Variants in USP53 observed in about 807,000 individuals in gnomAD.
The protein encoded by USP53 is ubiquitin specific peptidase 53.
Under a neutral mutation model 94.9 loss-of-function variants are expected in USP53, and 71 were observed. The observed-to-expected ratio is 0.75, with a 90% CI of 0.62 to 0.91. The LOEUF (loss-of-function observed/expected upper bound fraction) is 0.91. USP53 is among the 40% of genes least tolerant of loss of function. The pLI is 0.00. For missense variants in USP53, 1,173 were observed against 1,281.0 expected, an observed-to-expected ratio of 0.92 and a Z score of 1.29; for synonymous variants, 375 against 422.7, an observed-to-expected ratio of 0.89 and a Z score of 1.39.
intron 7 of USP53, among the ~76,000 whole-genome samples, chr4:119,251,613 T>C (rs986760107): frequency 3.6e-5 from 5 of 138,728 alleles, no homozygotes; most frequent in South Asian, 2.2e-4. Context: ...TATACAATCA[T>C]GTCATCTGCA....
At chr4:119,264,274 C>T (rs1163566708) in intron 12 of USP53, among the ~76,000 whole-genome samples, 1 of 152,068 alleles carries the variant, frequency 6.6e-6, no homozygotes, top group Non-Finnish European at 1.5e-5. Context: ...TGAGATGGGA[C>T]TATCAGGGGA....
chr4:119,240,007 A>T, intron 5 of USP53, 104 bp downstream of exon 5: 1 of 1,152,512 alleles, frequency 8.7e-7, no homozygotes, highest in South Asian at 3.9e-5. Flanking sequence ...ACTATAGACT[A>T]GAATGACTTT....
intron 3 of USP53, among the ~76,000 whole-genome samples, chr4:119,226,583 A>G (rs1194560503): frequency 6.6e-6 from 1 of 152,214 alleles, no homozygotes; most frequent in Non-Finnish European, 1.5e-5. Context: ...CACCTAAATT[A>G]GCAAAACATT....
At chr4:119,248,940 G>C (rs952168915) in intron 7 of USP53, 58 bp downstream of exon 7, 16 of 1,589,098 alleles carry the variant, frequency 1.0e-5, no homozygotes, top group South Asian at 9.2e-5. Flanking sequence ...TCCTTAGATG[G>C]TACAAGTGTT....
At chr4:119,227,987 A>G (rs558255088) in intron 3 of USP53, among the ~76,000 whole-genome samples, 1 of 152,384 alleles carries the variant, frequency 6.6e-6, no homozygotes, top group Admixed American at 6.5e-5. Context: ...TGAAACTAGG[A>G]CAGAAAGTGT....
rs1258554019 is a variant in USP53 at position 119,293,293 on chromosome 4, A to G, written c.*82A>G. Reference sequence around the variant, plus strand: ...GAACAAAGATATAAACCTAGCATACATTGTAATAGATAACTGGTAAAACTG... The same window carrying G: ...GAACAAAGATATAAACCTAGCATACGTTGTAATAGATAACTGGTAAAACTG... On this transcript the variant is annotated 3_prime_UTR_variant, in exon 19 of 19. Transcript: ENST00000692078. 2.8e-6 allele frequency: 4 copies of G among 1,443,690 alleles called. No homozygotes were observed. The highest frequency in any genetic ancestry group is 1.4e-5 in the South Asian group (1 of 70,070). 89.4% of individuals were successfully genotyped at this position (1,443,690 alleles called of 1,614,324 possible). A position where few individuals can be genotyped will look rare whatever the true frequency, so the allele number is the denominator to read the frequency against.
Position 119,213,641 on chromosome 4 carries a change from G to GATATATATATATATATATAT in USP53, c.-941-428_-941-409dup, listed in dbSNP as rs141285286. On this transcript the variant is annotated intron_variant, in intron 1 of 18. Coordinates refer to ENST00000692078, the MANE Select transcript of USP53 (RefSeq NM_001371395.1). ...CCGAAAGTTTCCTTATCTGGAAATA[G>GATATATATATATATATATAT]ATATATATATATATATATATGTGTG... Among the ~76,000 whole-genome samples the GATATATATATATATATATAT allele has an allele frequency of 1.4e-3, 151 of 108,062 alleles. 1 individual carries two copies. Among genetic ancestry groups the GATATATATATATATATATAT allele is most frequent in the South Asian group, 2.3e-3 (7 of 3,080 alleles). 70.9% of individuals were successfully genotyped at this position (108,062 alleles called of 152,430 possible). A position where few individuals can be genotyped will look rare whatever the true frequency, so the allele number is the denominator to read the frequency against.
intron 4 of USP53, among the ~76,000 whole-genome samples, chr4:119,236,389 C>G (rs376531833): frequency 1.6e-3 from 240 of 152,278 alleles, no homozygotes; most frequent in African/African-American, 5.7e-3. Flanking sequence ...GTGATGGTTG[C>G]TGAAGGTTGA....
intron 16 of USP53, chr4:119,273,383 G>C (rs1361664003): frequency 3.1e-6 from 1 of 321,298 alleles, no homozygotes; most frequent in Non-Finnish European, 5.8e-6. Context: ...GCCTAGGGTA[G>C]TAGAAAGATC....
intron 17 of USP53, among the ~76,000 whole-genome samples, chr4:119,282,956 T>G (rs1578568275): frequency 2.0e-5 from 3 of 152,072 alleles, no homozygotes; most frequent in Admixed American, 2.0e-4. Flanking sequence ...TTTTGTCAAT[T>G]TTTAATATTA....
At chr4:119,241,076 T>C (rs1578451666) in intron 5 of USP53, among the ~76,000 whole-genome samples, 1 of 152,188 alleles carries the variant, frequency 6.6e-6, no homozygotes, top group Admixed American at 6.5e-5. Context: ...CTTTTTCCTA[T>C]TCTTTTTACC....
At chr4:119,227,298 C>CACACACACACACACAA (rs1561197308) in intron 3 of USP53, among the ~76,000 whole-genome samples, 1 of 142,224 alleles carries the variant, frequency 7.0e-6, no homozygotes, top group South Asian at 2.2e-4. Context: ...CACACACACA[C>CACACACACACACACAA]AAACTTGAAA....
chr4:119,267,246 A>G lies in USP53; in HGVS notation c.973-74A>G, dbSNP rs1751243692. On this transcript the variant is annotated intron_variant, in intron 12 of 18. Coordinates refer to ENST00000692078, the MANE Select transcript of USP53 (RefSeq NM_001371395.1). ...ATTTTTTAAAAATATAAAGTAACTC[A>G]GAGTCTGTCTTTTCATGTAACACAT... The G allele has an allele frequency of 7.0e-6, 10 of 1,436,096 alleles. No individual in the cohort carries two copies. The South Asian group carries it at 9.8e-5, about 14-fold the overall frequency. The allele number at this position is 1,436,096 out of a possible 1,614,324, so 89.0% of individuals were successfully genotyped here.
chr4:119,227,495 T>G (rs1561197851), intron 3 of USP53, among the ~76,000 whole-genome samples: 1 of 152,062 alleles, frequency 6.6e-6, no homozygotes, highest in Admixed American at 6.5e-5. Flanking sequence ...CCGGGCGTGG[T>G]GGCGGGCGCC....
intron 17 of USP53, among the ~76,000 whole-genome samples, chr4:119,281,064 G>A (rs1009993680): frequency 2.0e-5 from 3 of 152,196 alleles, no homozygotes; most frequent in Non-Finnish European, 4.4e-5. Context: ...TTGATAAAGA[G>A]CCTTCTGGAA....
At chr4:119,267,020 T>C (rs777463200) in intron 12 of USP53, among the ~76,000 whole-genome samples, 1 of 152,198 alleles carries the variant, frequency 6.6e-6, no homozygotes, top group Admixed American at 6.5e-5. Context: ...TATTTCTCCA[T>C]TGAATTGTCT....
intron 13 of USP53, 79 bp downstream of exon 13, chr4:119,267,561 A>G: frequency 2.2e-6 from 3 of 1,382,028 alleles, no homozygotes; most frequent in Non-Finnish European, 2.9e-6. Context: ...TGAATATAAA[A>G]TGAATATAGA....
chr4:119,214,215 A>C lies in USP53; in HGVS notation c.-796A>C, dbSNP rs1361867348. 2 of 152,136 alleles carry C rather than the reference A, an allele frequency of 1.3e-5. No individual in the cohort carries two copies. Among genetic ancestry groups the C allele is most frequent in the Non-Finnish European group, 2.9e-5 (2 of 68,010 alleles). 9.4% of individuals were successfully genotyped at this position (152,136 alleles called of 1,614,324 possible). A position where few individuals can be genotyped will look rare whatever the true frequency, so the allele number is the denominator to read the frequency against. The stretch of plus-strand genomic sequence containing the variant: ...TTGTCATAAGAATTCCAAATAGACA[A>C]ACTCGGTGTAAGTAGGAGTTAATTA... On this transcript the variant is annotated 5_prime_UTR_variant, in exon 2 of 19. Coordinates refer to ENST00000692078, the MANE Select transcript of USP53 (RefSeq NM_001371395.1).
intron 3 of USP53, among the ~76,000 whole-genome samples, chr4:119,225,502 T>A (rs1045574450): frequency 6.6e-6 from 1 of 151,590 alleles, no homozygotes; most frequent in African/African-American, 2.4e-5. Flanking sequence ...ATCCCAGCAC[T>A]TTGGGAGGCC....
Sources: allele counts gnomAD v4.1 joint callset (sites outside exome capture counted in the v4.1 genomes callset), GRCh38; gene constraint gnomAD v4.1.1; transcripts MANE v1.5; gene names NCBI Gene and HGNC (gene_info 2026-07-23, HGNC 2026-07-21).